The following AHCYL2 variants were observed in gnomAD, a reference collection of about 807,000 sequenced individuals.
AHCYL2 encodes adenosylhomocysteinase like 2.
In AHCYL2, 28 loss-of-function variants were observed where a neutral mutation model predicts 81.4. The observed-to-expected ratio is 0.34, with a 90% CI of 0.25 to 0.47. The LOEUF (loss-of-function observed/expected upper bound fraction) is 0.47. Among genes scored for constraint, AHCYL2 ranks in the 20% least tolerant of loss-of-function variants. AHCYL2 has a pLI of 1.00. For synonymous variants in AHCYL2, 272 were observed against 290.2 expected, an observed-to-expected ratio of 0.94 and a Z score of 0.64; for missense variants, 551 against 785.1, an observed-to-expected ratio of 0.70 and a Z score of 3.56.
At chr7:129,359,213 A>G (rs1207003594) in intron 1 of AHCYL2, among the ~76,000 whole-genome samples, 1 of 152,214 alleles carries the variant, frequency 6.6e-6, no homozygotes, top group African/African-American at 2.4e-5. Flanking sequence ...AACTTGGACA[A>G]TTCTTAAAAA....
At chr7:129,415,437 C>T (rs921269833) in intron 12 of AHCYL2, among the ~76,000 whole-genome samples, 53 of 152,106 alleles carry the variant, frequency 3.5e-4, no homozygotes, top group Admixed American at 1.8e-3. Flanking sequence ...ATCTTTTTGA[C>T]GACTCCATGA....
intron 1 of AHCYL2, among the ~76,000 whole-genome samples, chr7:129,352,732 C>G (rs1439557795): frequency 6.6e-6 from 1 of 152,134 alleles, no homozygotes; most frequent in African/African-American, 2.4e-5. Flanking sequence ...TCATCTTGCA[C>G]TTGATCTCCT....
At chr7:129,298,927 G>GT (rs1279025503) in intron 1 of AHCYL2, among the ~76,000 whole-genome samples, 2 of 152,064 alleles carry the variant, frequency 1.3e-5, no homozygotes, top group African/African-American at 4.8e-5. Context: ...GGCTCAGATG[G>GT]TAAGTGTTTT....
intron 1 of AHCYL2, among the ~76,000 whole-genome samples, chr7:129,314,375 T>C (rs567205988): frequency 6.6e-6 from 1 of 152,368 alleles, no homozygotes; most frequent in South Asian, 2.1e-4. Flanking sequence ...ACTGTAGGAA[T>C]TGTTTTTGTG....
chr7:129,234,993 T>C (rs1794591054), intron 1 of AHCYL2, among the ~76,000 whole-genome samples: 1 of 152,222 alleles, frequency 6.6e-6, no homozygotes, highest in Admixed American at 6.5e-5. Flanking sequence ...ACATGCTATA[T>C]GTGCTTTTTT....
chr7:129,350,686 C>T (rs1415311345), intron 1 of AHCYL2, among the ~76,000 whole-genome samples: 2 of 149,802 alleles, frequency 1.3e-5, no homozygotes, highest in South Asian at 4.3e-4. Flanking sequence ...CACCCAGCCT[C>T]CTTCATTTTC....
At chr7:129,348,439 C>G (rs926533346) in intron 1 of AHCYL2, among the ~76,000 whole-genome samples, 5 of 150,508 alleles carry the variant, frequency 3.3e-5, no homozygotes, top group African/African-American at 1.2e-4. Context: ...AAAAGAATGT[C>G]TCTACAAGAA....
At chr7:129,255,596 G>A (rs955549205) in intron 1 of AHCYL2, among the ~76,000 whole-genome samples, 4 of 152,316 alleles carry the variant, frequency 2.6e-5, no homozygotes, top group Non-Finnish European at 4.4e-5. Flanking sequence ...GCGTGTGTGC[G>A]TGCGCACGCG....
intron 2 of AHCYL2, among the ~76,000 whole-genome samples, chr7:129,386,453 A>T (rs887551445): frequency 1.3e-5 from 2 of 149,616 alleles, no homozygotes; most frequent in African/African-American, 5.0e-5. Context: ...ACAGAGTAAG[A>T]CCCTGGCTCA....
chr7:129,328,732 C>T (rs193076931), intron 1 of AHCYL2, among the ~76,000 whole-genome samples: 5 of 151,774 alleles, frequency 3.3e-5, no homozygotes, highest in East Asian at 3.9e-4. Flanking sequence ...ATGAGCCACC[C>T]GTCTCGGCCT....
chr7:129,325,861 A>G (rs1798205552), intron 1 of AHCYL2, among the ~76,000 whole-genome samples: 1 of 151,650 alleles, frequency 6.6e-6, no homozygotes, highest in Non-Finnish European at 1.5e-5. Context: ...ACGTGCCACT[A>G]CGCCTGGCTA....
intron 11 of AHCYL2, chr7:129,410,166 G>A: frequency 6.2e-7 from 1 of 1,609,098 alleles, no homozygotes; most frequent in Non-Finnish European, 8.5e-7. Context: ...TTGGGTTGGG[G>A]TTTATAACCA....
chr7:129,400,956 T>C (rs1276225108), intron 6 of AHCYL2, among the ~76,000 whole-genome samples: 1 of 152,228 alleles, frequency 6.6e-6, no homozygotes, highest in Admixed American at 6.5e-5. Context: ...TAATTTTTGC[T>C]TCATTTTTAT....
In AHCYL2 at chr7:129,397,340, C is replaced by T. The variant is rs1223995796; in HGVS notation, c.823+16C>T. 2 of 1,610,738 alleles carry T rather than the reference C, an allele frequency of 1.2e-6. No individual in the cohort carries two copies. Among genetic ancestry groups the T allele is most frequent in the Non-Finnish European group, 1.7e-6 (2 of 1,178,320 alleles). On this transcript the variant is annotated intron_variant, in intron 5 of 16. Transcript: ENST00000325006. Reference sequence around the variant, plus strand: ...GCAGAAAGTGGTAAGAGCTTATTCTCTGTGCCTTTGGCTAAAGTAAGTCTA... The same window carrying T: ...GCAGAAAGTGGTAAGAGCTTATTCTTTGTGCCTTTGGCTAAAGTAAGTCTA...
chr7:129,344,279 G>A (rs1317765666), intron 1 of AHCYL2, among the ~76,000 whole-genome samples: 1 of 152,178 alleles, frequency 6.6e-6, no homozygotes, highest in Non-Finnish European at 1.5e-5. Context: ...TTGTTCACAT[G>A]AAGACCTATA....
At chr7:129,249,021 A>G (rs1279628348) in intron 1 of AHCYL2, among the ~76,000 whole-genome samples, 1 of 138,778 alleles carries the variant, frequency 7.2e-6, no homozygotes, top group Non-Finnish European at 1.5e-5. Flanking sequence ...TTTTGGAGAC[A>G]TAGTCTCACT....
At chr7:129,273,262 T>C (rs774429786) in intron 1 of AHCYL2, among the ~76,000 whole-genome samples, 3 of 141,602 alleles carry the variant, frequency 2.1e-5, no homozygotes, top group Non-Finnish European at 4.6e-5. Context: ...ATGCTACCAA[T>C]AAAATATGGC....
At chr7:129,256,050 C>T (rs1252627962) in intron 1 of AHCYL2, among the ~76,000 whole-genome samples, 2 of 152,142 alleles carry the variant, frequency 1.3e-5, no homozygotes, top group African/African-American at 2.4e-5. Flanking sequence ...TTAATACCTC[C>T]GTCCTGTGTA....
intron 1 of AHCYL2, among the ~76,000 whole-genome samples, chr7:129,289,616 C>A (rs1459288361): frequency 2.6e-5 from 4 of 152,084 alleles, no homozygotes; most frequent in African/African-American, 7.2e-5. Context: ...CCCTTGTTTA[C>A]CAATTTTCAG....
Sources: allele counts gnomAD v4.1 joint callset (sites outside exome capture counted in the v4.1 genomes callset), GRCh38; gene constraint gnomAD v4.1.1; transcripts MANE v1.5; gene names NCBI Gene and HGNC (gene_info 2026-07-23, HGNC 2026-07-21).